NETO2: variants seen among roughly 807,000 people sequenced by gnomAD.
The protein encoded by NETO2 is neuropilin and tolloid like 2, also known as neuropilin and tolloid-like protein 2.
In NETO2, 28 loss-of-function variants were observed where a neutral mutation model predicts 62.5. That is an observed-to-expected ratio of 0.45 (90% CI 0.33 to 0.61). The LOEUF is 0.61. Among genes scored for constraint, NETO2 ranks in the 20% least tolerant of loss-of-function variants. The pLI is 0.02. For synonymous variants in NETO2, 214 were observed against 219.1 expected (o/e 0.98, Z 0.21); for missense variants, 548 against 643.2 (o/e 0.85, Z 1.60).
intron 8 of NETO2, among the ~76,000 whole-genome samples, chr16:47,084,815 T>C (rs1421619851): frequency 1.3e-5 from 2 of 152,218 alleles, no homozygotes; most frequent in African/African-American, 4.8e-5. Flanking sequence ...CAGATGGGAC[T>C]GTCTAGTTGA....
At chr16:47,097,207 G>C (rs1371077696) in intron 7 of NETO2, among the ~76,000 whole-genome samples, 1 of 152,214 alleles carries the variant, frequency 6.6e-6, no homozygotes, top group Non-Finnish European at 1.5e-5. Context: ...GCTGAAACCA[G>C]GGAGCCAAGT....
At chr16:47,107,377 C>T (rs1963697908) in intron 7 of NETO2, among the ~76,000 whole-genome samples, 1 of 152,034 alleles carries the variant, frequency 6.6e-6, no homozygotes. Flanking sequence ...AAACCACTAG[C>T]CTGAGTAACT....
chr16:47,083,350 G>A lies in NETO2; in HGVS notation c.1449C>T (p.Tyr483=), dbSNP rs767008450. ...TFNSTFKKSS[Y]TFKQGHECPE... is the part of the protein sequence containing the mutation. ...GGCACTCATGTCCCTGTTTGAAAGT[G>A]TAACTACTTTTCTTGAAGGTGCTAT... is the stretch of plus-strand genomic sequence containing the variant. The change falls in exon 9 of 9, where the codon TAC becomes TAT. Residue 483 remains tyrosine, a synonymous_variant. Coordinates refer to ENST00000562435, the MANE Select transcript of NETO2 (RefSeq NM_018092.5). 7.4e-6 allele frequency: 12 copies of A among 1,614,080 alleles called. No individual in the cohort carries two copies. The East Asian group carries it at 2.7e-4, about 36-fold the overall frequency.
At chr16:47,114,845 T>C (rs1044539185) in intron 6 of NETO2, among the ~76,000 whole-genome samples, 1 of 152,162 alleles carries the variant, frequency 6.6e-6, no homozygotes, top group African/African-American at 2.4e-5. Flanking sequence ...CTCTAAATGT[T>C]TTATAATTTT....
intron 7 of NETO2, among the ~76,000 whole-genome samples, chr16:47,090,457 G>A (rs1217634255): frequency 2.0e-5 from 3 of 152,114 alleles, no homozygotes; most frequent in African/African-American, 7.2e-5. Flanking sequence ...TGAACTATAA[G>A]TCTTTATATA....
At chr16:47,130,773 C>T (rs964109173) in intron 2 of NETO2, among the ~76,000 whole-genome samples, 2 of 152,116 alleles carry the variant, frequency 1.3e-5, no homozygotes, top group East Asian at 1.9e-4. Context: ...ATATACCCAT[C>T]CCCATCATTT....
chr16:47,139,044 A>G (rs1964414059), intron 1 of NETO2, among the ~76,000 whole-genome samples: 2 of 152,028 alleles, frequency 1.3e-5, no homozygotes, highest in Admixed American at 1.3e-4. Context: ...TTACTTCATT[A>G]TTATATTACC....
intron 7 of NETO2, among the ~76,000 whole-genome samples, chr16:47,090,075 T>C (rs1045581831): frequency 2.6e-5 from 4 of 152,152 alleles, no homozygotes; most frequent in Non-Finnish European, 4.4e-5. Context: ...AAAACTACCA[T>C]TGGTTTTTAA....
At chr16:47,086,442 G>T in intron 7 of NETO2, 103 bp from the exon 8 acceptor site, 1 of 694,950 alleles carries the variant, frequency 1.4e-6, no homozygotes, top group Non-Finnish European at 2.5e-6. Context: ...TACCGCAAAG[G>T]CCTTTCCTTG....
chr16:47,126,417 GAAATAGCAAGA>G (rs1472018201), intron 4 of NETO2, among the ~76,000 whole-genome samples: 1 of 152,160 alleles, frequency 6.6e-6, no homozygotes, highest in East Asian at 1.9e-4. Context: ...TGACATTCTG[GAAATAGCAAGA>G]CTAGGGAGAT....
chr16:47,125,852 G>C (rs1057219121), intron 4 of NETO2, among the ~76,000 whole-genome samples: 1 of 152,112 alleles, frequency 6.6e-6, no homozygotes, highest in African/African-American at 2.4e-5. Flanking sequence ...CACACGCCTG[G>C]CTCCACCATT....
At chr16:47,108,456 T>C (rs1161853703) in intron 7 of NETO2, among the ~76,000 whole-genome samples, 2 of 152,180 alleles carry the variant, frequency 1.3e-5, no homozygotes, top group African/African-American at 4.8e-5. Context: ...AATGGTACCA[T>C]GTACCCCTGC....
rs1194120173 is a variant in NETO2, at chr16:47,078,792, T to C, written c.*4429A>G. The C allele has an allele frequency of 6.6e-6, 1 of 152,246 alleles. No individual in the cohort carries two copies. Among genetic ancestry groups the C allele is most frequent in the Non-Finnish European group, 1.5e-5 (1 of 68,040 alleles). The allele number at this position is 152,246 out of a possible 1,614,324, so 9.4% of individuals were successfully genotyped here. The stretch of plus-strand genomic sequence containing the variant: ...CCTGCCTAGTATCGAGCCTGTATAC[T>C]GTTAACAAACATTGCTTAGTAAGAA... On this transcript the variant is annotated 3_prime_UTR_variant, in exon 9 of 9. Transcript: ENST00000562435.
In NETO2 at chr16:47,083,661, A is replaced by C; in HGVS notation, c.1138T>G (p.Cys380Gly). Residue 380 changes from cysteine to glycine, a missense_variant, in exon 9 of 9, where the codon TGC becomes GGC. Cys to Gly is a radical substitution (Grantham distance 159, BLOSUM62 -3). Coordinates refer to ENST00000562435, the MANE Select transcript of NETO2 (RefSeq NM_018092.5). ...CCGGTTTTATTAAAAGCGGTTTTGC[A>C]AGCCATGACCTTTTTTCGAGGCTGT... Reference protein sequence around the residue: ...VKQPRKKVMACKTAFNKTGFQ... With the variant: ...VKQPRKKVMAGKTAFNKTGFQ... 6.2e-7 allele frequency: 1 copy of C among 1,614,218 alleles called. No homozygotes were observed. The highest frequency in any genetic ancestry group is 8.5e-7 in the Non-Finnish European group (1 of 1,180,036).
rs1963046955 is a variant in NETO2, at chr16:47,080,649, A to G, written c.*2572T>C. 2 of 152,224 alleles carry G rather than the reference A, an allele frequency of 1.3e-5. No homozygotes were observed. 9.4% of individuals were successfully genotyped at this position (152,224 alleles called of 1,614,324 possible). On this transcript the variant is annotated 3_prime_UTR_variant, in exon 9 of 9. Transcript: ENST00000562435. ...CCCATCTATGATTCAATGAAGGTGT[A>G]TAACATGTGACAGGCTAAGGCTGGC...
intron 2 of NETO2, 24 bp downstream of exon 2, chr16:47,131,945 A>G (rs759788149): frequency 1.3e-6 from 2 of 1,596,752 alleles, no homozygotes; most frequent in Non-Finnish European, 1.7e-6. Flanking sequence ...AACATGCAGT[A>G]AGTCACCAAT....
chr16:47,100,503 T>C (rs1318783350), intron 7 of NETO2, among the ~76,000 whole-genome samples: 1 of 150,002 alleles, frequency 6.7e-6, no homozygotes, highest in African/African-American at 2.4e-5. Flanking sequence ...ACAAAAGCAA[T>C]GAGTCCAGGA....
rs1963404492 is a variant in NETO2 at position 47,095,198 on chromosome 16, A to G, written c.884-8859T>C. Among the ~76,000 whole-genome samples, 4 of 152,328 alleles carry G rather than the reference A, an allele frequency of 2.6e-5. No homozygotes were observed. The South Asian group carries it at 6.2e-4, about 24-fold the overall frequency. ...CAATCTCCATAGTAACCATAAGAAC[A>G]TATCTATAAAATATACACAAAAGGA... On this transcript the variant is annotated intron_variant, in intron 7 of 8. Coordinates refer to ENST00000562435, the MANE Select transcript of NETO2 (RefSeq NM_018092.5).
rs1963097610 is a variant in NETO2, at chr16:47,082,914, G to T, written c.*307C>A. The T allele has an allele frequency of 3.6e-6, 1 of 278,368 alleles. No homozygotes were observed. The allele number at this position is 278,368 out of a possible 1,614,324, so 17.2% of individuals were successfully genotyped here. A position where few individuals can be genotyped will look rare whatever the true frequency, so the allele number is the denominator to read the frequency against. ...GCAGTCTTCTTGTTGCTAAAACGAA[G>T]AGGCAGCCTGAGCCTGGCTCCATCC... On this transcript the variant is annotated 3_prime_UTR_variant, in exon 9 of 9. Coordinates refer to ENST00000562435, the MANE Select transcript of NETO2 (RefSeq NM_018092.5).
Sources: gnomAD v4.1 joint callset for allele counts (sites outside exome capture counted in the v4.1 genomes callset) on GRCh38, gnomAD v4.1.1 for gene constraint, MANE v1.5 for transcripts, NCBI Gene and HGNC (gene_info 2026-07-23, HGNC 2026-07-21) for gene names.